Variants in GLB1L3 observed in about 807,000 individuals in gnomAD.
The protein encoded by GLB1L3 is beta-galactosidase-1-like protein 3.
GLB1L3 carries 89 observed loss-of-function variants against 89.5 expected under a neutral mutation model. That is an observed-to-expected ratio of 0.99 (90% CI 0.84 to 1.19). GLB1L3 has a LOEUF of 1.19. GLB1L3 is among the 50% of genes most tolerant of loss of function. GLB1L3 has a pLI of 0.00. For synonymous variants in GLB1L3, 314 were observed against 312.3 expected (o/e 1.01, Z -0.06); for missense variants, 812 against 813.3 (o/e 1.00, Z 0.02).
intron 12 of GLB1L3, 62 bp from the exon 13 acceptor site, chr11:134,311,002 G>A: frequency 8.7e-7 from 1 of 1,151,456 alleles, no homozygotes; most frequent in Non-Finnish European, 1.3e-6. Flanking sequence ...AGGCATGGGG[G>A]GCTTAGAGAA....
chr11:134,288,782 T>C lies in GLB1L3; in HGVS notation c.637-16T>C. 6.2e-7 allele frequency: 1 copy of C among 1,603,526 alleles called. No homozygotes were observed. Among genetic ancestry groups the C allele is most frequent in the Non-Finnish European group, 8.5e-7 (1 of 1,172,264 alleles). On this transcript the variant is annotated splice_polypyrimidine_tract_variant and intron_variant, in intron 6 of 19. Transcript: ENST00000431683. Reference sequence around the variant, plus strand: ...AAATAGCCTCACTCTTTAACCCTCCTATGCTTGTTTCTCAGTACCGCCAGG... The same window carrying C: ...AAATAGCCTCACTCTTTAACCCTCCCATGCTTGTTTCTCAGTACCGCCAGG...
At chr11:134,301,228 C>G (rs1369609291) in intron 9 of GLB1L3, among the ~76,000 whole-genome samples, 1 of 152,152 alleles carries the variant, frequency 6.6e-6, no homozygotes, top group African/African-American at 2.4e-5. Flanking sequence ...CCTAGGTTCT[C>G]TGATGGACCC....
At chr11:134,324,908 ATTTATAATTCATATGATATAAAATG>A in the GLB1L3 span, among the ~76,000 whole-genome samples, 3 of 151,992 alleles carry the variant, frequency 2.0e-5, no homozygotes, top group Non-Finnish European at 4.4e-5. Flanking sequence ...ATACATTTAA[ATTTATAATTCATATGATATAAAATG>A]TTTACATATT....
chr11:134,315,668 C>T (rs982823265), intron 18 of GLB1L3, among the ~76,000 whole-genome samples: 13 of 152,044 alleles, frequency 8.6e-5, no homozygotes, highest in Non-Finnish European at 1.9e-4. Context: ...TACAGGATAT[C>T]GATGCACTCT....
At chr11:134,311,512 C>T (rs983018709) in intron 13 of GLB1L3, 1 of 195,052 alleles carries the variant, frequency 5.1e-6, no homozygotes, top group Non-Finnish European at 1.0e-5. Flanking sequence ...TCTGCCCGTG[C>T]TTCACCAGCA....
At chr11:134,323,079 A>ATT (rs1162828185), downstream of GLB1L3, among the ~76,000 whole-genome samples, 1 of 152,162 alleles carries the variant, frequency 6.6e-6, no homozygotes, top group Non-Finnish European at 1.5e-5. Flanking sequence ...CCAACACTTG[A>ATT]TTTTAAGCTC....
chr11:134,308,089 CCAA>C (rs1439978582), intron 10 of GLB1L3, among the ~76,000 whole-genome samples: 3 of 151,226 alleles, frequency 2.0e-5, no homozygotes, highest in Admixed American at 6.6e-5. Flanking sequence ...ATCACTACCA[CCAA>C]CAATAATGCC....
chr11:134,285,462 G>T (rs963758523), intron 6 of GLB1L3, among the ~76,000 whole-genome samples: 1 of 152,232 alleles, frequency 6.6e-6, no homozygotes, highest in African/African-American at 2.4e-5. Flanking sequence ...TCAAGGACAC[G>T]TCTCTTGATG....
At position 134,313,450 on chromosome 11, in the gene GLB1L3, T is replaced by C; in HGVS notation, c.1555T>C (p.Trp519Arg). Residue 519 changes from tryptophan to arginine, a missense_variant, in exon 16 of 20, where the codon TGG becomes CGG. By Grantham distance (101) the Trp-to-Arg change is moderately radical. This residue lies in a region of GLB1L3 where 618 missense variants were observed against 604.0 expected (regional missense o/e 1.02). Coordinates refer to ENST00000431683, the MANE Select transcript of GLB1L3 (RefSeq NM_001080407.3). The stretch of plus-strand genomic sequence containing the variant: ...GAATCAAGGACGAGTCAATTTTTCA[T>C]GGCAAATACAGAATGAGCAGAAAGG... Reference protein sequence around the residue: ...VENQGRVNFSWQIQNEQKGIT... With the variant: ...VENQGRVNFSRQIQNEQKGIT... 1 of 1,581,300 alleles carries C rather than the reference T, an allele frequency of 6.3e-7. No individual in the cohort carries two copies. Among genetic ancestry groups the C allele is most frequent in the Non-Finnish European group, 8.6e-7 (1 of 1,163,262 alleles).
chr11:134,302,934 A>G (rs2136183960), intron 9 of GLB1L3, among the ~76,000 whole-genome samples: 1 of 152,326 alleles, frequency 6.6e-6, no homozygotes, highest in Non-Finnish European at 1.5e-5. Context: ...TATTTCTATC[A>G]TAATTGCAGA....
At position 134,305,009 on chromosome 11, in the gene GLB1L3, A is replaced by G. The variant is rs1045319670; in HGVS notation, c.877-2115A>G. ...GAGCCCGCATGCGACTGCGCTAACA[A>G]TGTATCTTAGTGGCATAATAACAAT... On this transcript the variant is annotated intron_variant, in intron 9 of 19. Transcript: ENST00000431683. 1.1e-4 allele frequency: 144 copies of G among 1,291,344 alleles called. No homozygotes were observed. In the Middle Eastern group the frequency reaches 1.3e-3, roughly 12 times the overall value. 80.0% of individuals were successfully genotyped at this position (1,291,344 alleles called of 1,614,324 possible). A position where few individuals can be genotyped will look rare whatever the true frequency, so the allele number is the denominator to read the frequency against.
chr11:134,303,029 A>G (rs1257255412), intron 9 of GLB1L3, among the ~76,000 whole-genome samples: 3 of 152,160 alleles, frequency 2.0e-5, no homozygotes, highest in African/African-American at 4.8e-5. Flanking sequence ...TTTTGAGGCT[A>G]TGTAAATGTG....
chr11:134,277,545 A>G, intron 2 of GLB1L3, 94 bp downstream of exon 2: 1 of 1,543,682 alleles, frequency 6.5e-7, no homozygotes, highest in East Asian at 2.3e-5. Flanking sequence ...AACACGTCCT[A>G]CTAACATATG....
chr11:134,291,141 A>G (rs1042223311), intron 7 of GLB1L3, among the ~76,000 whole-genome samples: 11 of 152,086 alleles, frequency 7.2e-5, no homozygotes, highest in Non-Finnish European at 2.9e-5. Flanking sequence ...CGATTTCCTC[A>G]TATAGTCGGC....
chr11:134,310,445 C>T (rs1313864060), intron 11 of GLB1L3, 126 bp from the exon 12 acceptor site: 18 of 669,694 alleles, frequency 2.7e-5, no homozygotes, highest in Admixed American at 1.7e-4. Flanking sequence ...CACACACCCA[C>T]GTGGGATGGA....
chr11:134,276,734 G>A lies in GLB1L3; in HGVS notation c.-7G>A. On this transcript the variant is annotated 5_prime_UTR_variant, in exon 1 of 20. Coordinates refer to ENST00000431683, the MANE Select transcript of GLB1L3 (RefSeq NM_001080407.3). ...CAAGGGACCCTCGGCGCCTCGGCCTGGCCGCGATGAAGTCCCCGCCCCTCC... is the reference window on the plus strand; with the variant it reads ...CAAGGGACCCTCGGCGCCTCGGCCTAGCCGCGATGAAGTCCCCGCCCCTCC... The A allele has an allele frequency of 1.4e-6, 2 of 1,450,812 alleles. No homozygotes were observed. The highest frequency in any genetic ancestry group is 1.3e-5 in the South Asian group (1 of 74,736). The allele number at this position is 1,450,812 out of a possible 1,614,324, so 89.9% of individuals were successfully genotyped here.
In GLB1L3 at chr11:134,290,659, A is replaced by G. The variant is rs1212631858; in HGVS notation, c.730-1473A>G. Among the ~76,000 whole-genome samples the G allele has an allele frequency of 2.0e-5, 3 of 151,684 alleles. No homozygotes were observed. In the East Asian group the frequency reaches 5.8e-4, roughly 29 times the overall value. ...TCCCAGGCCCAGGTCTGACTCGATA[A>G]GCACAGGAGACGCACAGCCAGGCCC... On this transcript the variant is annotated intron_variant, in intron 7 of 19. Coordinates refer to ENST00000431683, the MANE Select transcript of GLB1L3 (RefSeq NM_001080407.3).
chr11:134,301,754 T>C (rs1390569227), intron 9 of GLB1L3, among the ~76,000 whole-genome samples: 2 of 152,202 alleles, frequency 1.3e-5, no homozygotes, highest in African/African-American at 4.8e-5. Flanking sequence ...GGATTTCTCA[T>C]TAGTTCATGA....
chr11:134,278,857 C>T (rs1280680656), intron 3 of GLB1L3, among the ~76,000 whole-genome samples: 1 of 152,134 alleles, frequency 6.6e-6, no homozygotes, highest in Admixed American at 6.5e-5. Context: ...ATTGGGGGGA[C>T]AATATAGTTT....
Sources: allele counts gnomAD v4.1 joint callset (sites outside exome capture counted in the v4.1 genomes callset), GRCh38; gene constraint gnomAD v4.1.1; regional missense constraint gnomAD v4.1.1; transcripts MANE v1.5; gene names NCBI Gene and HGNC (gene_info 2026-07-23, HGNC 2026-07-21).